TRPC1: variants seen among roughly 807,000 people sequenced by gnomAD.
The protein encoded by TRPC1 is short transient receptor potential channel 1.
In TRPC1, 42 loss-of-function variants were observed where a neutral mutation model predicts 88.2. The observed-to-expected ratio is 0.48, with a 90% CI of 0.37 to 0.62. The LOEUF (loss-of-function observed/expected upper bound fraction) is 0.62, where lower values mean the gene tolerates loss of function less well. Ranked by LOEUF, TRPC1 falls within the 20% of genes least tolerant of loss-of-function variation. TRPC1 has a pLI of 0.00. For missense variants in TRPC1, 699 were observed against 957.3 expected (o/e 0.73, Z 3.56); for synonymous variants, 288 against 331.8 (o/e 0.87, Z 1.43).
intron 1 of TRPC1, among the ~76,000 whole-genome samples, chr3:142,725,780 TTTG>T (rs1933649610): frequency 6.6e-6 from 1 of 152,176 alleles, no homozygotes; most frequent in Non-Finnish European, 1.5e-5. Context: ...TGTTTGTTTG[TTTG>T]TATGTGTGAA....
At chr3:142,787,828 G>C (rs1365245890) in intron 7 of TRPC1, among the ~76,000 whole-genome samples, 2 of 152,148 alleles carry the variant, frequency 1.3e-5, no homozygotes, top group African/African-American at 4.8e-5. Context: ...AGGGAGGTTG[G>C]GAAAGACACG....
intron 9 of TRPC1, among the ~76,000 whole-genome samples, chr3:142,797,694 A>G (rs1936494900): frequency 6.6e-6 from 1 of 152,056 alleles, no homozygotes; most frequent in African/African-American, 2.4e-5. Flanking sequence ...TATTGTGAGG[A>G]TTAAATGGGT....
Position 142,724,830 on chromosome 3 carries a change from A to C in TRPC1, c.172+99A>C. ...TATATCGGGGCATTCCCTCTGTCTC[A>C]GGCGCCGAGTGTCTTCCCGCCTCGC... On this transcript the variant is annotated intron_variant, in intron 1 of 12. Coordinates refer to ENST00000476941, the MANE Select transcript of TRPC1 (RefSeq NM_001251845.2). This position sits in a 1 kb window ranked among gnomAD's most constrained non-coding sequence, Gnocchi z 5.6. 99 of 1,351,328 alleles carry C rather than the reference A, an allele frequency of 7.3e-5. No homozygotes were observed. The highest frequency in any genetic ancestry group is 3.1e-4 in the East Asian group (11 of 35,906). The allele number at this position is 1,351,328 out of a possible 1,614,324, so 83.7% of individuals were successfully genotyped here. A position where few individuals can be genotyped will look rare whatever the true frequency, so the allele number is the denominator to read the frequency against.
At chr3:142,731,941 T>G (rs1222967118) in intron 1 of TRPC1, among the ~76,000 whole-genome samples, 1 of 152,222 alleles carries the variant, frequency 6.6e-6, no homozygotes, top group Non-Finnish European at 1.5e-5. Context: ...CACTATCATT[T>G]GTTTACATAT....
intron 2 of TRPC1, among the ~76,000 whole-genome samples, chr3:142,742,675 A>G (rs1934398147): frequency 6.6e-6 from 1 of 152,196 alleles, no homozygotes; most frequent in Non-Finnish European, 1.5e-5. Flanking sequence ...GCATTTTCTT[A>G]GATTAAATCA....
At chr3:142,754,457 C>T (rs961170077) in intron 4 of TRPC1, among the ~76,000 whole-genome samples, 2 of 152,210 alleles carry the variant, frequency 1.3e-5, no homozygotes, top group Admixed American at 6.5e-5. Flanking sequence ...GGATGCAGCA[C>T]ACCAACATGG....
intron 9 of TRPC1, among the ~76,000 whole-genome samples, chr3:142,799,221 T>C (rs1179314119): frequency 6.6e-6 from 1 of 152,150 alleles, no homozygotes; most frequent in Non-Finnish European, 1.5e-5. Context: ...ATTAACTCTA[T>C]GTAAATTTTA....
chr3:142,748,209 T>C, intron 3 of TRPC1, 49 bp from the exon 4 acceptor site: 1 of 1,449,292 alleles, frequency 6.9e-7, no homozygotes, highest in Non-Finnish European at 9.6e-7. Context: ...AAATATATTT[T>C]TTGAAGTCAC....
chr3:142,786,557 C>G (rs1352310652), intron 7 of TRPC1, among the ~76,000 whole-genome samples: 1 of 151,934 alleles, frequency 6.6e-6, no homozygotes, highest in Non-Finnish European at 1.5e-5. Context: ...TGTAGTTTTG[C>G]TCTTATCTAA....
chr3:142,756,044 A>G (rs1608468), intron 4 of TRPC1, among the ~76,000 whole-genome samples: 5,772 of 151,810 alleles, frequency 0.038, 154 homozygotes, highest in Middle Eastern at 0.071. Flanking sequence ...TTTACTTACC[A>G]TAATATTTTT....
intron 9 of TRPC1, 128 bp from the exon 10 acceptor site, chr3:142,802,041 C>T: frequency 1.8e-6 from 1 of 557,000 alleles, no homozygotes; most frequent in Non-Finnish European, 3.0e-6. Context: ...CTGTCTCAAC[C>T]AGATGCAATA....
chr3:142,743,735 C>G (rs1934436901), intron 3 of TRPC1, 149 bp downstream of exon 3: 3 of 479,432 alleles, frequency 6.3e-6, no homozygotes, highest in Admixed American at 4.1e-5. Flanking sequence ...AAAGTGGACA[C>G]TTGCAGGAAT....
At chr3:142,728,807 T>C (rs1375191513) in intron 1 of TRPC1, among the ~76,000 whole-genome samples, 1 of 152,220 alleles carries the variant, frequency 6.6e-6, no homozygotes. Flanking sequence ...ATTTTTTTAC[T>C]TATTTGAGAA....
intron 4 of TRPC1, among the ~76,000 whole-genome samples, chr3:142,754,430 T>G (rs1035365565): frequency 6.6e-6 from 1 of 151,992 alleles, no homozygotes; most frequent in African/African-American, 2.4e-5. Flanking sequence ...ATAAAAAAAA[T>G]GACGAGTTAA....
At chr3:142,750,380 A>G (rs1323127048) in intron 4 of TRPC1, among the ~76,000 whole-genome samples, 1 of 152,252 alleles carries the variant, frequency 6.6e-6, no homozygotes, top group Non-Finnish European at 1.5e-5. Context: ...ATCTCATGCC[A>G]GTTAGAATGG....
intron 1 of TRPC1, among the ~76,000 whole-genome samples, chr3:142,727,657 C>G (rs1479665012): frequency 2.0e-5 from 3 of 151,910 alleles, no homozygotes; most frequent in Non-Finnish European, 4.4e-5. Context: ...ACTGTGCCAG[C>G]AATATATAAA....
At position 142,792,757 on chromosome 3, in the gene TRPC1, A is replaced by G. The variant is rs1269297727; in HGVS notation, c.1438-67A>G. The G allele has an allele frequency of 6.9e-7, 1 of 1,446,388 alleles. No individual in the cohort carries two copies. The highest frequency in any genetic ancestry group is 1.5e-5 in the African/African-American group (1 of 68,638). The allele number at this position is 1,446,388 out of a possible 1,614,324, so 89.6% of individuals were successfully genotyped here. ...AAATGGCTTTCTTTCAACAGTCAGA[A>G]TATTTGCTTTTATTTTCCTAAATTG... On this transcript the variant is annotated intron_variant, in intron 8 of 12. Transcript: ENST00000476941. The surrounding 1 kb of genome is among the most constrained non-coding windows in gnomAD (Gnocchi z 4.0).
At chr3:142,769,320 G>A (rs1935498731) in intron 4 of TRPC1, among the ~76,000 whole-genome samples, 1 of 152,042 alleles carries the variant, frequency 6.6e-6, no homozygotes, top group Admixed American at 6.6e-5. Context: ...AAGGTAGAAA[G>A]TCATGTTACT....
At chr3:142,754,427 AAATGACGAGTT>A (rs953764311) in intron 4 of TRPC1, among the ~76,000 whole-genome samples, 10 of 152,214 alleles carry the variant, frequency 6.6e-5, no homozygotes, top group African/African-American at 1.7e-4. Flanking sequence ...ATAATAAAAA[AAATGACGAGTT>A]AATGTAATGG....
Sources: allele counts gnomAD v4.1 joint callset (sites outside exome capture counted in the v4.1 genomes callset), GRCh38; gene constraint gnomAD v4.1.1; non-coding constraint Gnocchi (gnomAD v3.1); transcripts MANE v1.5; gene names NCBI Gene and HGNC (gene_info 2026-07-23, HGNC 2026-07-21).